The following CAP2 variants were observed in gnomAD, a reference collection of about 807,000 sequenced individuals.
The protein encoded by CAP2 is cyclase associated actin cytoskeleton regulatory protein 2.
CAP2 carries 24 observed loss-of-function variants against 57.7 expected under a neutral mutation model. The observed-to-expected ratio is 0.42, with a 90% CI of 0.30 to 0.58. The LOEUF (loss-of-function observed/expected upper bound fraction) is 0.58, where lower values mean the gene tolerates loss of function less well. CAP2 is among the 20% of genes least tolerant of loss of function. CAP2 has a pLI of 0.22. For synonymous variants in CAP2, 194 were observed against 207.2 expected (o/e 0.94, Z 0.55); for missense variants, 501 against 590.3 (o/e 0.85, Z 1.57).
intron 4 of CAP2, among the ~76,000 whole-genome samples, chr6:17,478,840 T>C (rs1466508197): frequency 6.6e-6 from 1 of 152,168 alleles, no homozygotes; most frequent in African/African-American, 2.4e-5. Flanking sequence ...TTAATTGTCC[T>C]CATTCCATTC....
rs1233301264 is a variant in CAP2 at position 17,539,337 on chromosome 6, TCCTCCTCTG to T, written c.713_721del (p.Leu238_Pro240del). 1 of 1,613,844 alleles carries T rather than the reference TCCTCCTCTG, an allele frequency of 6.2e-7. No individual in the cohort carries two copies. The highest frequency in any genetic ancestry group is 8.5e-7 in the Non-Finnish European group (1 of 1,179,808). ...CTGGGCCTGGCCTTCCTCCACCCCC[TCCTCCTCTG>T]CCTCCTCCAGGGCCACCTCCACTTT... On this transcript the variant is annotated inframe_deletion, in exon 8 of 13. Coordinates refer to ENST00000229922, the MANE Select transcript of CAP2 (RefSeq NM_006366.3).
intron 12 of CAP2, 89 bp downstream of exon 12, chr6:17,551,693 C>T (rs1388227974): frequency 6.0e-6 from 6 of 1,003,070 alleles, no homozygotes; most frequent in South Asian, 3.9e-5. Context: ...TACCAACCTG[C>T]GAGCTTTATT....
intron 7 of CAP2, chr6:17,531,733 G>A (rs72835445): frequency 0.091 from 55,372 of 609,166 alleles, 3,063 homozygotes; most frequent in Admixed American, 0.17. Flanking sequence ...GATCAATGTC[G>A]TCTATATACA....
intron 7 of CAP2, among the ~76,000 whole-genome samples, chr6:17,533,148 G>T (rs1318458594): frequency 2.7e-5 from 4 of 148,484 alleles, no homozygotes; most frequent in Non-Finnish European, 5.9e-5. Flanking sequence ...GTAATAAAGC[G>T]ATTAGTATTT....
chr6:17,433,643 G>C (rs1343442301), intron 3 of CAP2, among the ~76,000 whole-genome samples: 1 of 152,140 alleles, frequency 6.6e-6, no homozygotes, highest in Non-Finnish European at 1.5e-5. Flanking sequence ...GCGTGGGCTC[G>C]GCCTGATCAT....
At chr6:17,481,777 C>T (rs1408846914) in intron 4 of CAP2, among the ~76,000 whole-genome samples, 1 of 152,170 alleles carries the variant, frequency 6.6e-6, no homozygotes, top group Non-Finnish European at 1.5e-5. Context: ...GGGCAAGTAC[C>T]TTCTCTTGGC....
intron 4 of CAP2, among the ~76,000 whole-genome samples, chr6:17,464,161 G>T (rs867449170): frequency 2.6e-5 from 4 of 152,120 alleles, no homozygotes; most frequent in African/African-American, 9.7e-5. Context: ...AATGCTGATT[G>T]TGTCACGAAT....
chr6:17,430,098 G>C (rs1025644437), intron 3 of CAP2, among the ~76,000 whole-genome samples: 5 of 152,200 alleles, frequency 3.3e-5, no homozygotes, highest in Non-Finnish European at 7.3e-5. Flanking sequence ...TAAGGAATAA[G>C]GGCAGCCAAG....
At chr6:17,452,585 T>C (rs1760441401) in intron 3 of CAP2, among the ~76,000 whole-genome samples, 1 of 152,202 alleles carries the variant, frequency 6.6e-6, no homozygotes. Context: ...CCACTCCATC[T>C]CTATGACACC....
intron 3 of CAP2, among the ~76,000 whole-genome samples, chr6:17,443,572 C>T (rs1760153432): frequency 8.8e-6 from 1 of 113,966 alleles, no homozygotes; most frequent in African/African-American, 4.1e-5. Flanking sequence ...ACAAAACACA[C>T]AGACACACAC....
Position 17,541,007 on chromosome 6 carries a change from C to G in CAP2, c.861C>G (p.Tyr287Ter). 6.2e-7 allele frequency: 1 copy of G among 1,614,030 alleles called. No homozygotes were observed. Residue 287 changes from tyrosine (Y) to a stop codon, truncating the protein, a stop_gained, in exon 9 of 13, where the codon TAC becomes TAG. Coordinates refer to ENST00000229922, the MANE Select transcript of CAP2 (RefSeq NM_006366.3). LOFTEE classifies it high-confidence loss of function. Reference protein sequence around the residue: ...LRHVTDDQKTYKNPSLRAQGG... With the variant: ...LRHVTDDQKT ...ATGTCACAGATGACCAGAAGACATACAAAAATCCCAGCCTGCGGGCTCAAG... is the reference window on the plus strand; with the variant it reads ...ATGTCACAGATGACCAGAAGACATAGAAAAATCCCAGCCTGCGGGCTCAAG...
intron 3 of CAP2, among the ~76,000 whole-genome samples, chr6:17,444,954 G>T (rs566938583): frequency 7.2e-5 from 11 of 152,084 alleles, no homozygotes; most frequent in Non-Finnish European, 1.2e-4. Context: ...TTGAAAGACT[G>T]GGGCTCTGAG....
At chr6:17,493,913 G>C (rs1761604312) in intron 4 of CAP2, among the ~76,000 whole-genome samples, 1 of 152,106 alleles carries the variant, frequency 6.6e-6, no homozygotes, top group Admixed American at 6.5e-5. Context: ...GCTAAAGCCT[G>C]CTCCTTCTGC....
At chr6:17,531,614 TTCTTC>T in intron 7 of CAP2, 1 of 1,375,948 alleles carries the variant, frequency 7.3e-7, no homozygotes, top group Non-Finnish European at 1.0e-6. Context: ...AGGAACCTTC[TTCTTC>T]TCTTCTACAC....
chr6:17,395,627 C>T (rs1031988207), intron 1 of CAP2, among the ~76,000 whole-genome samples: 2 of 152,058 alleles, frequency 1.3e-5, no homozygotes, highest in Non-Finnish European at 2.9e-5. Context: ...AGTTAAATAC[C>T]CTCCAGAAAA....
At chr6:17,451,802 G>A (rs888645326) in intron 3 of CAP2, among the ~76,000 whole-genome samples, 1 of 152,064 alleles carries the variant, frequency 6.6e-6, no homozygotes, top group Non-Finnish European at 1.5e-5. Context: ...GAGCCACCAC[G>A]CCCTGCCCAG....
At chr6:17,469,902 T>A (rs1046291626) in intron 4 of CAP2, among the ~76,000 whole-genome samples, 1 of 152,210 alleles carries the variant, frequency 6.6e-6, no homozygotes, top group African/African-American at 2.4e-5. Context: ...TAATAATTTG[T>A]TCACATTAAA....
intron 4 of CAP2, among the ~76,000 whole-genome samples, chr6:17,469,557 T>C (rs902144561): frequency 1.1e-4 from 16 of 152,330 alleles, no homozygotes; most frequent in African/African-American, 2.9e-4. Flanking sequence ...GGTTTTATTC[T>C]ATCTAGGAAG....
intron 3 of CAP2, among the ~76,000 whole-genome samples, chr6:17,443,353 T>A (rs1387382019): frequency 6.6e-6 from 1 of 152,226 alleles, no homozygotes; most frequent in East Asian, 1.9e-4. Context: ...TCTTGCCTCT[T>A]GCCTTGACGC....
Sources: gnomAD v4.1 joint callset for allele counts (sites outside exome capture counted in the v4.1 genomes callset) on GRCh38, gnomAD v4.1.1 for gene constraint, MANE v1.5 for transcripts, NCBI Gene and HGNC (gene_info 2026-07-23, HGNC 2026-07-21) for gene names.